Variants in PCGF6 observed in about 807,000 individuals in gnomAD.
PCGF6 encodes the protein polycomb group RING finger protein 6.
In PCGF6, 24 loss-of-function variants were observed where a neutral mutation model predicts 45.5. The ratio of observed to expected loss-of-function variants is 0.53; its 90% CI spans 0.38 to 0.74. The LOEUF is 0.74. Among genes scored for constraint, PCGF6 ranks in the 30% least tolerant of loss-of-function variants. PCGF6 has a pLI of 0.00. For missense variants in PCGF6, 356 were observed against 443.2 expected (o/e 0.80, Z 1.77); for synonymous variants, 152 against 162.1 (o/e 0.94, Z 0.47).
At chr10:103,346,329 T>A (rs979977429) in intron 5 of PCGF6, among the ~76,000 whole-genome samples, 12 of 151,200 alleles carry the variant, frequency 7.9e-5, no homozygotes, top group Admixed American at 4.6e-4. Context: ...CCGTCTCTAT[T>A]AAAAATACAA....
At chr10:103,314,933 C>T (rs987893213) in intron 8 of PCGF6, among the ~76,000 whole-genome samples, 13 of 128,598 alleles carry the variant, frequency 1.0e-4, no homozygotes, top group Non-Finnish European at 2.0e-4. Context: ...CCAGCCTGGG[C>T]CACAGAGCGA....
rs2093308996 is a variant in PCGF6, at chr10:103,348,755, T to C, written c.518A>G (p.Asn173Ser). 1.9e-6 allele frequency: 3 copies of C among 1,610,812 alleles called. No individual in the cohort carries two copies. Among genetic ancestry groups the C allele is most frequent in the East Asian group, 2.2e-5 (1 of 44,854 alleles). The change falls in exon 3 of 10, where the codon AAT (asparagine) becomes AGT (serine). Residue 173 changes from asparagine (N) to serine (S), a missense_variant. By Grantham distance (46) the Asn-to-Ser change is conservative. Coordinates refer to ENST00000369847, the MANE Select transcript of PCGF6 (RefSeq NM_001011663.2). ...AGGTTGTGTCTGATGTACTACTATATTGCATTTTGGACATCTGTTGCTGTA... is the reference window on the plus strand; with the variant it reads ...AGGTTGTGTCTGATGTACTACTATACTGCATTTTGGACATCTGTTGCTGTA... ...FYYSNRCPKC[N>S]IVVHQTQPLY...
chr10:103,335,574 G>C (rs1481632534), intron 6 of PCGF6, among the ~76,000 whole-genome samples: 1 of 151,948 alleles, frequency 6.6e-6, no homozygotes, highest in Non-Finnish European at 1.5e-5. Context: ...TGTTGTTCAG[G>C]ATGGCCTCGA....
At chr10:103,348,606 T>C in intron 3 of PCGF6, 110 bp downstream of exon 3, 1 of 822,566 alleles carries the variant, frequency 1.2e-6, no homozygotes, top group Non-Finnish European at 1.8e-6. Context: ...ATTATGGCAT[T>C]AGCCACTGAA....
At chr10:103,339,517 G>A (rs1173652396) in intron 6 of PCGF6, among the ~76,000 whole-genome samples, 4 of 152,016 alleles carry the variant, frequency 2.6e-5, no homozygotes, top group African/African-American at 9.7e-5. Flanking sequence ...GAGTCCAGGT[G>A]CAGTGGCTCA....
At chr10:103,315,394 C>G (rs900144850) in intron 8 of PCGF6, among the ~76,000 whole-genome samples, 2 of 152,158 alleles carry the variant, frequency 1.3e-5, no homozygotes, top group African/African-American at 4.8e-5. Flanking sequence ...GAGTCTCGCT[C>G]TGTCGCCCAG....
At position 103,303,799 on chromosome 10, in the gene PCGF6, T is replaced by C. The variant is rs2093127595; in HGVS notation, c.*106A>G. ...TGGTGCTAAAAATAGGTAAGTTATG[T>C]CTTGAACAGCAAAGTGGTAGCAATT... On this transcript the variant is annotated 3_prime_UTR_variant, in exon 10 of 10. Coordinates refer to ENST00000369847, the MANE Select transcript of PCGF6 (RefSeq NM_001011663.2). 1 of 994,130 alleles carries C rather than the reference T, an allele frequency of 1.0e-6. No homozygotes were observed. The highest frequency in any genetic ancestry group is 3.1e-4 in the Middle Eastern group (1 of 3,194). The allele number at this position is 994,130 out of a possible 1,614,324, so 61.6% of individuals were successfully genotyped here.
intron 6 of PCGF6, among the ~76,000 whole-genome samples, chr10:103,341,258 CTTT>C (rs2093279669): frequency 6.7e-6 from 1 of 150,012 alleles, no homozygotes; most frequent in South Asian, 2.2e-4. Flanking sequence ...TTTTAATTTT[CTTT>C]TTTATTTTTT....
chr10:103,341,606 T>C (rs1047081139), intron 6 of PCGF6, among the ~76,000 whole-genome samples: 43 of 151,532 alleles, frequency 2.8e-4, no homozygotes, highest in African/African-American at 1.0e-3. Context: ...CATCCAGCTT[T>C]TTTTTTTTTT....
intron 6 of PCGF6, among the ~76,000 whole-genome samples, 175 bp downstream of exon 6, chr10:103,344,849 C>T (rs1379540837): frequency 1.3e-5 from 2 of 152,232 alleles, no homozygotes; most frequent in Middle Eastern, 3.4e-3. Flanking sequence ...GGATTACAGG[C>T]GTGAGCCACT....
At chr10:103,340,196 AAAATAT>A (rs1260118160) in intron 6 of PCGF6, among the ~76,000 whole-genome samples, 104 of 99,956 alleles carry the variant, frequency 1.0e-3, no homozygotes, top group African/African-American at 2.7e-3. Context: ...AAAAAAAAAA[AAAATAT>A]ATATATATAT....
At chr10:103,311,340 G>C (rs1477721095) in intron 9 of PCGF6, among the ~76,000 whole-genome samples, 23 of 151,674 alleles carry the variant, frequency 1.5e-4, no homozygotes, top group Admixed American at 1.5e-3. Flanking sequence ...TGGGGTTTCA[G>C]GATGTTGGCC....
At chr10:103,316,736 G>A (rs1020115413) in intron 8 of PCGF6, among the ~76,000 whole-genome samples, 8 of 152,054 alleles carry the variant, frequency 5.3e-5, no homozygotes, top group African/African-American at 1.9e-4. Context: ...AAGCAGCCAC[G>A]GTGTGGCTGT....
intron 5 of PCGF6, among the ~76,000 whole-genome samples, chr10:103,345,898 G>A (rs1288847855): frequency 1.3e-5 from 2 of 150,720 alleles, no homozygotes; most frequent in South Asian, 2.1e-4. Context: ...CTAAGTCAAG[G>A]AACCAGGATT....
At chr10:103,323,627 T>C (rs2093205878) in intron 8 of PCGF6, among the ~76,000 whole-genome samples, 1 of 151,462 alleles carries the variant, frequency 6.6e-6, no homozygotes. Flanking sequence ...AGTCTCCCTC[T>C]TGTCGCCCAG....
intron 8 of PCGF6, among the ~76,000 whole-genome samples, chr10:103,320,713 T>C (rs2133567254): frequency 6.6e-6 from 1 of 152,316 alleles, no homozygotes; most frequent in East Asian, 1.9e-4. Flanking sequence ...ATCTGTATTT[T>C]TTAAACTTTT....
intron 8 of PCGF6, among the ~76,000 whole-genome samples, chr10:103,325,577 T>C (rs1564728379): frequency 6.6e-6 from 1 of 152,118 alleles, no homozygotes; most frequent in South Asian, 2.1e-4. Context: ...GAACAACTAA[T>C]AAATGCAAGG....
intron 6 of PCGF6, among the ~76,000 whole-genome samples, chr10:103,344,147 G>GA (rs2093291135): frequency 1.3e-5 from 2 of 151,718 alleles, no homozygotes; most frequent in African/African-American, 4.8e-5. Flanking sequence ...CAACAGGGAT[G>GA]AATCACACAA....
At chr10:103,330,601 T>C (rs947072688) in intron 7 of PCGF6, among the ~76,000 whole-genome samples, 2 of 152,182 alleles carry the variant, frequency 1.3e-5, no homozygotes, top group Admixed American at 1.3e-4. Flanking sequence ...CAACCATCAC[T>C]GCTATGTAAT....
Sources: allele counts gnomAD v4.1 joint callset (sites outside exome capture counted in the v4.1 genomes callset), GRCh38; gene constraint gnomAD v4.1.1; transcripts MANE v1.5; gene names NCBI Gene and HGNC (gene_info 2026-07-23, HGNC 2026-07-21).